Variants in FHIT observed in about 807,000 individuals in gnomAD.
FHIT encodes the protein fragile histidine triad diadenosine triphosphatase.
A neutral mutation model predicts 17.9 loss-of-function variants in FHIT; 19 were observed. That is an observed-to-expected ratio of 1.06 (90% CI 0.74 to 1.56). The LOEUF (loss-of-function observed/expected upper bound fraction) is 1.56, where lower values mean the gene tolerates loss of function less well. Ranked by LOEUF, FHIT falls within the 40% of genes most tolerant of loss-of-function variation. The pLI is 0.00. For synonymous variants in FHIT, 81 were observed against 69.7 expected, an observed-to-expected ratio of 1.16 and a Z score of -0.81; for missense variants, 248 against 189.2, an observed-to-expected ratio of 1.31 and a Z score of -1.82.
intron 2 of FHIT, among the ~76,000 whole-genome samples, chr3:61,183,207 T>G (rs911391218): frequency 6.6e-6 from 1 of 152,208 alleles, no homozygotes; most frequent in Non-Finnish European, 1.5e-5. Context: ...TCCAATCAGA[T>G]TCTCAATTCT....
chr3:59,876,292 T>G (rs2106929544), intron 8 of FHIT, among the ~76,000 whole-genome samples: 1 of 152,348 alleles, frequency 6.6e-6, no homozygotes, highest in South Asian at 2.1e-4. Context: ...AGATTATTTT[T>G]TCCTAAATGG....
At chr3:59,770,855 A>G (rs1250256466) in intron 8 of FHIT, among the ~76,000 whole-genome samples, 10 of 152,054 alleles carry the variant, frequency 6.6e-5, no homozygotes, top group African/African-American at 1.9e-4. Context: ...TCAACCCTTG[A>G]CCTCACCCAT....
At chr3:60,760,530 A>C (rs887150021) in intron 4 of FHIT, among the ~76,000 whole-genome samples, 4 of 152,168 alleles carry the variant, frequency 2.6e-5, no homozygotes, top group African/African-American at 9.7e-5. Context: ...CTTTCATATG[A>C]ATCCACAAAT....
chr3:59,960,345 A>G (rs1707612090), intron 7 of FHIT, among the ~76,000 whole-genome samples: 1 of 152,192 alleles, frequency 6.6e-6, no homozygotes, highest in Admixed American at 6.5e-5. Flanking sequence ...TAAAGCACTT[A>G]CTGATAAATT....
At chr3:60,559,589 T>C (rs550791225) in intron 4 of FHIT, among the ~76,000 whole-genome samples, 10 of 152,286 alleles carry the variant, frequency 6.6e-5, no homozygotes, top group African/African-American at 1.9e-4. Flanking sequence ...ATGCACAGTA[T>C]AATGTTCTGA....
At chr3:60,052,592 C>T (rs1175856365) in intron 5 of FHIT, among the ~76,000 whole-genome samples, 1 of 151,956 alleles carries the variant, frequency 6.6e-6, no homozygotes, top group Middle Eastern at 3.2e-3. Context: ...GGCTAGAGTG[C>T]TCCTGCCTTT....
At chr3:60,890,845 G>T (rs1553760510) in intron 3 of FHIT, among the ~76,000 whole-genome samples, 1 of 152,108 alleles carries the variant, frequency 6.6e-6, no homozygotes, top group Non-Finnish European at 1.5e-5. Context: ...CAGGCAACTT[G>T]GAGCCTCCCA....
In FHIT at chr3:60,268,312, T is replaced by G. The variant is rs901033394; in HGVS notation, c.104-254160A>C. Among the ~76,000 whole-genome samples, 3 of 152,238 alleles carry G rather than the reference T, an allele frequency of 2.0e-5. No individual in the cohort carries two copies. The South Asian group carries it at 6.2e-4, about 31-fold the overall frequency. On this transcript the variant is annotated intron_variant, in intron 5 of 9. Coordinates refer to ENST00000492590, the MANE Select transcript of FHIT (RefSeq NM_002012.4). The stretch of plus-strand genomic sequence containing the variant: ...AATTTGCAATTTTCACTTCTCATTC[T>G]CAGATTAGATTACTAACAGTGTTGG...
intron 3 of FHIT, among the ~76,000 whole-genome samples, chr3:60,898,628 G>A (rs549193840): frequency 1.2e-4 from 18 of 152,200 alleles, no homozygotes; most frequent in Non-Finnish European, 2.5e-4. Flanking sequence ...CTGTAAACCT[G>A]TTCCTAGGCT....
chr3:60,891,333 G>A (rs1433594329), intron 3 of FHIT, among the ~76,000 whole-genome samples: 3 of 151,976 alleles, frequency 2.0e-5, no homozygotes, highest in African/African-American at 7.3e-5. Context: ...ACAGCTTCAG[G>A]CATGGGCACA....
chr3:60,218,000 G>T (rs1356063376), intron 5 of FHIT, among the ~76,000 whole-genome samples: 10 of 152,018 alleles, frequency 6.6e-5, no homozygotes, highest in Admixed American at 4.6e-4. Context: ...CTCAATTTTT[G>T]GTTTTGAAAA....
At chr3:60,368,669 T>C (rs1012233616) in intron 5 of FHIT, among the ~76,000 whole-genome samples, 1 of 152,110 alleles carries the variant, frequency 6.6e-6, no homozygotes, top group Non-Finnish European at 1.5e-5. Context: ...AGGTTTTTAT[T>C]TTAATGAAGT....
intron 5 of FHIT, among the ~76,000 whole-genome samples, chr3:60,218,775 T>C (rs1313029200): frequency 3.3e-5 from 5 of 152,118 alleles, no homozygotes; most frequent in Non-Finnish European, 7.4e-5. Flanking sequence ...CAAGGATATG[T>C]AACTTACCCT....
chr3:59,927,265 G>T (rs1055702263), intron 7 of FHIT, among the ~76,000 whole-genome samples: 1 of 152,160 alleles, frequency 6.6e-6, no homozygotes, highest in Admixed American at 6.5e-5. Context: ...CATAGAGAAA[G>T]AAAGATTTGC....
intron 4 of FHIT, chr3:60,553,381 C>G: frequency 2.0e-6 from 2 of 979,976 alleles, no homozygotes; most frequent in Non-Finnish European, 2.4e-6. Flanking sequence ...TCAGCAACCC[C>G]CTTCTTCCAC....
chr3:59,827,413 C>A (rs953663795), intron 8 of FHIT, among the ~76,000 whole-genome samples: 16 of 152,156 alleles, frequency 1.1e-4, no homozygotes. Context: ...CTACTGGATA[C>A]AAAGTACTGT....
chr3:60,478,646 T>C (rs1349301361), intron 5 of FHIT, among the ~76,000 whole-genome samples: 1 of 152,206 alleles, frequency 6.6e-6, no homozygotes, highest in Non-Finnish European at 1.5e-5. Context: ...CCACCATTTA[T>C]GTGCCAGGCA....
intron 5 of FHIT, among the ~76,000 whole-genome samples, chr3:60,432,939 A>G (rs1427699957): frequency 6.6e-6 from 1 of 151,504 alleles, no homozygotes; most frequent in African/African-American, 2.4e-5. Context: ...TACTGTGATA[A>G]CACTTAAGAT....
At chr3:60,806,367 C>CTG (rs1553734199) in intron 4 of FHIT, among the ~76,000 whole-genome samples, 1 of 152,162 alleles carries the variant, frequency 6.6e-6, no homozygotes, top group Non-Finnish European at 1.5e-5. Context: ...CTTCTAGGAT[C>CTG]AATTTATCTG....
Sources: gnomAD v4.1 joint callset for allele counts (sites outside exome capture counted in the v4.1 genomes callset) on GRCh38, gnomAD v4.1.1 for gene constraint, MANE v1.5 for transcripts, NCBI Gene and HGNC (gene_info 2026-07-23, HGNC 2026-07-21) for gene names.